The following GPX6 variants were observed in gnomAD, a reference collection of about 807,000 sequenced individuals.
GPX6 encodes the protein glutathione peroxidase 6.
GPX6 carries 21 observed loss-of-function variants against 20.0 expected under a neutral mutation model. The ratio of observed to expected loss-of-function variants is 1.05; its 90% CI spans 0.74 to 1.51. The LOEUF (loss-of-function observed/expected upper bound fraction) is 1.51, where lower values mean the gene tolerates loss of function less well. GPX6 is among the 40% of genes most tolerant of loss of function. The pLI is 0.00. For missense variants in GPX6, 233 were observed against 254.7 expected, an observed-to-expected ratio of 0.91 and a Z score of 0.58; for synonymous variants, 75 against 98.0, an observed-to-expected ratio of 0.77 and a Z score of 1.38.
intron 1 of GPX6, among the ~76,000 whole-genome samples, chr6:28,512,922 G>T (rs1239922865): frequency 6.6e-6 from 1 of 152,052 alleles, no homozygotes; most frequent in Admixed American, 6.6e-5. Context: ...AAACCCGCCA[G>T]AAGGAACAAA....
intron 1 of GPX6, among the ~76,000 whole-genome samples, chr6:28,512,243 T>C (rs536504871): frequency 6.2e-4 from 94 of 152,386 alleles, no homozygotes; most frequent in African/African-American, 2.2e-3. Context: ...TGAAGCCAGC[T>C]GGGCTCCTGA....
In GPX6 at chr6:28,505,739, A is replaced by G; in HGVS notation, c.423T>C (p.Asn141=). 1.2e-6 allele frequency: 2 copies of G among 1,614,014 alleles called. No individual in the cohort carries two copies. The highest frequency in any genetic ancestry group is 1.6e-4 in the Middle Eastern group (1 of 6,062). Residue 141 remains asparagine, a synonymous_variant, in exon 4 of 5, where the codon AAT becomes AAC. Transcript: ENST00000361902. The part of the protein sequence containing the change: ...SFQLFEKGDV[N]GEKEQKVFTF... ...TAAAGACCTTCTGTTCTTTTTCTCC[A>G]TTCACATCCCCTTTCTCAAAGAGCT... is the stretch of plus-strand genomic sequence containing the variant.
chr6:28,506,283 C>T, intron 3 of GPX6, 29 bp downstream of exon 3: 1 of 1,302,648 alleles, frequency 7.7e-7, no homozygotes, highest in Non-Finnish European at 1.1e-6. Flanking sequence ...CCCGACAGGG[C>T]ATCTGCAGGG....
At chr6:28,510,156 T>C (rs1483888459) in intron 2 of GPX6, among the ~76,000 whole-genome samples, 2 of 152,220 alleles carry the variant, frequency 1.3e-5, no homozygotes, top group East Asian at 1.9e-4. Context: ...CACTGCATAA[T>C]TGTAACTGAA....
At chr6:28,515,395 G>A (rs1327953951) in intron 1 of GPX6, among the ~76,000 whole-genome samples, 1 of 152,168 alleles carries the variant, frequency 6.6e-6, no homozygotes, top group Non-Finnish European at 1.5e-5. Flanking sequence ...TGGCAAAGGG[G>A]AATGTGCTGA....
chr6:28,510,019 A>G (rs992954745), intron 2 of GPX6, among the ~76,000 whole-genome samples: 1 of 152,272 alleles, frequency 6.6e-6, no homozygotes, highest in Non-Finnish European at 1.5e-5. Flanking sequence ...AAAGCCAGGT[A>G]TCTGGCCTGG....
intron 1 of GPX6, 63 bp from the exon 2 acceptor site, chr6:28,510,967 A>C (rs1469725617): frequency 1.4e-6 from 2 of 1,447,684 alleles, no homozygotes; most frequent in South Asian, 1.3e-5. Context: ...ACATTTGTGG[A>C]CTTTTTCAAA....
intron 1 of GPX6, among the ~76,000 whole-genome samples, chr6:28,512,658 T>G (rs1762909228): frequency 6.6e-6 from 1 of 152,266 alleles, no homozygotes; most frequent in Admixed American, 6.5e-5. Context: ...TTCCACACTG[T>G]GGGAGCTTTG....
intron 2 of GPX6, among the ~76,000 whole-genome samples, chr6:28,508,669 A>T (rs1273289297): frequency 6.6e-6 from 1 of 151,762 alleles, no homozygotes; most frequent in Non-Finnish European, 1.5e-5. Flanking sequence ...TAGCTGGGCG[A>T]GGTGATATGC....
intron 1 of GPX6, among the ~76,000 whole-genome samples, chr6:28,511,472 C>T (rs577869417): frequency 7.0e-4 from 106 of 152,344 alleles, no homozygotes; most frequent in African/African-American, 2.4e-3. Context: ...GGGCTCCACC[C>T]TCGGGCCTGT....
In GPX6 at chr6:28,504,051, C is replaced by CACA; in HGVS notation, c.*240_*241insTGT. 2 of 499,962 alleles carry CACA rather than the reference C, an allele frequency of 4.0e-6. No individual in the cohort carries two copies. The highest frequency in any genetic ancestry group is 7.1e-6 in the Non-Finnish European group (2 of 282,874). 31.0% of individuals were successfully genotyped at this position (499,962 alleles called of 1,614,324 possible). A position where few individuals can be genotyped will look rare whatever the true frequency, so the allele number is the denominator to read the frequency against. On this transcript the variant is annotated 3_prime_UTR_variant, in exon 5 of 5. Transcript: ENST00000361902. ...CACACACACACACACACACACACAC[C>CACA]ATACATACACCTATGCATATACCAA...
chr6:28,504,246 G>T lies in GPX6; in HGVS notation c.*46C>A. ...GATGGATGCTTTGTTAGACATTCCTGCAGGTGGGAGACAGGGTAGTTATTT... is the reference window on the plus strand; with the variant it reads ...GATGGATGCTTTGTTAGACATTCCTTCAGGTGGGAGACAGGGTAGTTATTT... On this transcript the variant is annotated 3_prime_UTR_variant, in exon 5 of 5. Coordinates refer to ENST00000361902, the MANE Select transcript of GPX6 (RefSeq NM_182701.1). 1 of 1,550,710 alleles carries T rather than the reference G, an allele frequency of 6.4e-7. No homozygotes were observed. The highest frequency in any genetic ancestry group is 8.9e-7 in the Non-Finnish European group (1 of 1,123,922).
rs541275238 is a variant in GPX6 at position 28,510,395 on chromosome 6, G to A, written c.241+356C>T. Among the ~76,000 whole-genome samples, 7 of 152,266 alleles carry A rather than the reference G, an allele frequency of 4.6e-5. No individual in the cohort carries two copies. In the East Asian group the frequency reaches 7.7e-4, roughly 17 times the overall value. On this transcript the variant is annotated intron_variant, in intron 2 of 4. Transcript: ENST00000361902. ...TTCCTTGAACTCGTCTCCAAATCAC[G>A]TAACAAAAGTTCAGATTCTATAGTA...
intron 2 of GPX6, among the ~76,000 whole-genome samples, chr6:28,508,358 T>C (rs1206336886): frequency 6.6e-6 from 1 of 152,184 alleles, no homozygotes; most frequent in African/African-American, 2.4e-5. Context: ...GGTCCTATAG[T>C]AGACACAATT....
chr6:28,514,251 T>G (rs73740967), intron 1 of GPX6, among the ~76,000 whole-genome samples: 2,721 of 152,340 alleles, frequency 0.018, 72 homozygotes, highest in African/African-American at 0.055. Flanking sequence ...CATGAGGATG[T>G]CACTCTGTGA....
At chr6:28,513,327 C>CA (rs2113609467) in intron 1 of GPX6, among the ~76,000 whole-genome samples, 2 of 152,328 alleles carry the variant, frequency 1.3e-5, no homozygotes, top group Admixed American at 1.3e-4. Flanking sequence ...CCCTGTAACA[C>CA]ACGCCCACTG....
At chr6:28,507,679 T>G (rs1057043183) in intron 2 of GPX6, among the ~76,000 whole-genome samples, 3 of 152,204 alleles carry the variant, frequency 2.0e-5, no homozygotes, top group East Asian at 1.9e-4. Flanking sequence ...ATTCTCATGC[T>G]TTAGCCTCCT....
At chr6:28,507,193 G>A (rs1385912393) in intron 2 of GPX6, among the ~76,000 whole-genome samples, 1 of 152,180 alleles carries the variant, frequency 6.6e-6, no homozygotes, top group Admixed American at 6.5e-5. Context: ...CTATTTTCAG[G>A]TAAGATTTAT....
intron 1 of GPX6, among the ~76,000 whole-genome samples, chr6:28,512,967 T>C (rs1258542779): frequency 6.6e-6 from 1 of 151,808 alleles, no homozygotes; most frequent in Non-Finnish European, 1.5e-5. Context: ...AGGAACAAAT[T>C]CTGGACACGC....
Sources: gnomAD v4.1 joint callset for allele counts (sites outside exome capture counted in the v4.1 genomes callset) on GRCh38, gnomAD v4.1.1 for gene constraint, MANE v1.5 for transcripts, NCBI Gene and HGNC (gene_info 2026-07-23, HGNC 2026-07-21) for gene names.